The following PSMF1 variants were observed in gnomAD, a reference collection of about 807,000 sequenced individuals.
PSMF1 encodes the protein proteasome inhibitor subunit 1, also known as proteasome inhibitor PI31 subunit.
A neutral mutation model predicts 29.3 loss-of-function variants in PSMF1; 30 were observed. That is an observed-to-expected ratio of 1.02 (90% confidence interval 0.77 to 1.39). The LOEUF (loss-of-function observed/expected upper bound fraction) is 1.39. Ranked by LOEUF, PSMF1 falls within the 40% of genes most tolerant of loss-of-function variation. PSMF1 has a pLI of 0.00. For missense variants in PSMF1, 344 were observed against 357.5 expected, an observed-to-expected ratio of 0.96 and a Z score of 0.31; for synonymous variants, 134 against 139.7, an observed-to-expected ratio of 0.96 and a Z score of 0.29.
At chr20:1,150,888 C>T (rs1259693864) in intron 4 of PSMF1, among the ~76,000 whole-genome samples, 1 of 152,020 alleles carries the variant, frequency 6.6e-6, no homozygotes, top group African/African-American at 2.4e-5. Flanking sequence ...CTCCTAGAAG[C>T]TTTAATGGTT....
chr20:1,142,166 G>A (rs2086389326), intron 4 of PSMF1, among the ~76,000 whole-genome samples: 1 of 152,208 alleles, frequency 6.6e-6, no homozygotes, highest in East Asian at 1.9e-4. Context: ...AGGTTGCAGT[G>A]AGCTGAGATC....
intron 1 of PSMF1, 151 bp downstream of exon 1, chr20:1,119,053 G>A (rs1165437379): frequency 1.8e-6 from 2 of 1,128,074 alleles, no homozygotes; most frequent in East Asian, 2.5e-5. Context: ...CTGCGGGTCG[G>A]AGGTTGCTCA....
In PSMF1 at chr20:1,121,462, T is replaced by G. The variant is rs187408199; in HGVS notation, c.129+2560T>G. Reference sequence around the variant, plus strand: ...TTGTCCTTCTGTCGCTTCTGCTGAGTCTACTTTCATTCAGAGTGGAAACTG... The same window carrying G: ...TTGTCCTTCTGTCGCTTCTGCTGAGGCTACTTTCATTCAGAGTGGAAACTG... On this transcript the variant is annotated intron_variant, in intron 1 of 6. Transcript: ENST00000335877. 1.7e-3 allele frequency among the ~76,000 whole-genome samples: 252 copies of G among 152,260 alleles called. 1 individual carries two copies. The highest frequency in any genetic ancestry group is 6.8e-3 in the Middle Eastern group (2 of 294).
intron 2 of PSMF1, among the ~76,000 whole-genome samples, chr20:1,127,133 C>A (rs1440716487): frequency 2.6e-5 from 4 of 152,168 alleles, no homozygotes; most frequent in Non-Finnish European, 5.9e-5. Context: ...GTGTTGCTCA[C>A]CTGCAGATCA....
chr20:1,119,916 T>C (rs1475539182), intron 1 of PSMF1, among the ~76,000 whole-genome samples: 1 of 152,098 alleles, frequency 6.6e-6, no homozygotes, highest in Non-Finnish European at 1.5e-5. Flanking sequence ...ATTTCACCCT[T>C]CCTCTCCTTT....
chr20:1,138,004 C>T lies in PSMF1; in HGVS notation c.551+2698C>T, dbSNP rs1310584669. ...ATTATTGAAGTTAGGCGGGAATACA[C>T]ACAGGAACTCATGATACTATTCTTA... On this transcript the variant is annotated intron_variant, in intron 4 of 6. Transcript: ENST00000335877. 3.9e-5 allele frequency among the ~76,000 whole-genome samples: 6 copies of T among 152,168 alleles called. No homozygotes were observed. In the East Asian group the frequency reaches 1.2e-3, roughly 29 times the overall value.
chr20:1,142,928 A>G (rs374819105), intron 4 of PSMF1, among the ~76,000 whole-genome samples: 1 of 152,246 alleles, frequency 6.6e-6, no homozygotes, highest in Non-Finnish European at 1.5e-5. Context: ...CCTCTCCAGC[A>G]GGTATAATTC....
intron 4 of PSMF1, among the ~76,000 whole-genome samples, chr20:1,150,390 C>T (rs1004193765): frequency 6.6e-5 from 10 of 152,212 alleles, no homozygotes; most frequent in East Asian, 5.8e-4. Flanking sequence ...CATACTATGG[C>T]ATCAGCAGTT....
chr20:1,166,360 GTGGA>G lies in PSMF1; in HGVS notation c.*1282_*1285del. On this transcript the variant is annotated 3_prime_UTR_variant, in exon 7 of 7. Transcript: ENST00000335877. ...TCTGCAGCTAGCATTTCAACCATAT[GTGGA>G]TCCTTTCATTTCTCAGCTCCCTGGA... 1 of 1,210,014 alleles carries G rather than the reference GTGGA, an allele frequency of 8.3e-7. No individual in the cohort carries two copies. The allele number at this position is 1,210,014 out of a possible 1,614,324, so 75.0% of individuals were successfully genotyped here.
At chr20:1,152,882 A>G (rs2086548939) in intron 4 of PSMF1, among the ~76,000 whole-genome samples, 2 of 152,320 alleles carry the variant, frequency 1.3e-5, no homozygotes, top group African/African-American at 4.8e-5. Context: ...TGCCATAACT[A>G]ATGCTTCAGT....
At chr20:1,162,022 T>TG (rs555189007) in intron 4 of PSMF1, among the ~76,000 whole-genome samples, 3,226 of 152,286 alleles carry the variant, frequency 0.021, 60 homozygotes, top group Middle Eastern at 0.078. Context: ...GTCTATGGCT[T>TG]GGGGGGTCTG....
At position 1,164,179 on chromosome 20, in the gene PSMF1, C is replaced by A; in HGVS notation, c.606-139C>A. 1.1e-6 allele frequency: 1 copy of A among 871,754 alleles called. No homozygotes were observed. The allele number at this position is 871,754 out of a possible 1,614,324, so 54.0% of individuals were successfully genotyped here. A position where few individuals can be genotyped will look rare whatever the true frequency, so the allele number is the denominator to read the frequency against. ...CCCTTGCCCACTTTCCGCTGGCTCT[C>A]AGGCAGCCATCCACATGTCTGCTTG... On this transcript the variant is annotated intron_variant, in intron 5 of 6. Coordinates refer to ENST00000335877, the MANE Select transcript of PSMF1 (RefSeq NM_006814.5). This position sits in a 1 kb window ranked among gnomAD's most constrained non-coding sequence, Gnocchi z 4.1.
chr20:1,166,266 C>A lies in PSMF1; in HGVS notation c.*1186C>A, dbSNP rs1224508347. ...GACGCGGGCAGTGATGAGCCCTGTT[C>A]TGGAGTGGAAAGAGCACGATAGAGC... On this transcript the variant is annotated 3_prime_UTR_variant, in exon 7 of 7. Coordinates refer to ENST00000335877, the MANE Select transcript of PSMF1 (RefSeq NM_006814.5). 6.2e-7 allele frequency: 1 copy of A among 1,611,980 alleles called. No individual in the cohort carries two copies. The highest frequency in any genetic ancestry group is 1.1e-5 in the South Asian group (1 of 90,822).
intron 1 of PSMF1, among the ~76,000 whole-genome samples, chr20:1,124,714 A>G (rs1259383642): frequency 6.6e-6 from 1 of 152,258 alleles, no homozygotes; most frequent in African/African-American, 2.4e-5. Flanking sequence ...AATGTGAATC[A>G]GCTGTAGTTA....
chr20:1,114,254 C>T (rs1358185097), upstream of PSMF1, among the ~76,000 whole-genome samples: 1 of 152,130 alleles, frequency 6.6e-6, no homozygotes, highest in Admixed American at 6.5e-5. Context: ...GAGTGCGGTC[C>T]AGTTGCCCGT....
At chr20:1,141,684 A>G (rs1026325408) in intron 4 of PSMF1, among the ~76,000 whole-genome samples, 6 of 152,204 alleles carry the variant, frequency 3.9e-5, no homozygotes, top group African/African-American at 1.4e-4. Flanking sequence ...CGCACATTAA[A>G]ACAAGAAAAA....
chr20:1,160,607 C>T (rs954873561), intron 4 of PSMF1: 28 of 499,338 alleles, frequency 5.6e-5, no homozygotes, highest in Admixed American at 1.8e-4. Context: ...TCACCATACT[C>T]GTCATTGACA....
At chr20:1,157,383 A>G (rs1008615172) in intron 4 of PSMF1, among the ~76,000 whole-genome samples, 5 of 152,338 alleles carry the variant, frequency 3.3e-5, no homozygotes, top group South Asian at 2.1e-4. Flanking sequence ...TCCTGAGATC[A>G]TACATAATCT....
At chr20:1,137,783 T>G (rs552294103) in intron 4 of PSMF1, among the ~76,000 whole-genome samples, 9 of 152,316 alleles carry the variant, frequency 5.9e-5, no homozygotes, top group Admixed American at 5.9e-4. Flanking sequence ...GCATTATGAA[T>G]TACTGCCAGT....
Sources: allele counts gnomAD v4.1 joint callset (sites outside exome capture counted in the v4.1 genomes callset), GRCh38; gene constraint gnomAD v4.1.1; non-coding constraint Gnocchi (gnomAD v3.1); transcripts MANE v1.5; gene names NCBI Gene and HGNC (gene_info 2026-07-23, HGNC 2026-07-21).